UBE4A: variants seen among roughly 807,000 people sequenced by gnomAD.
The protein encoded by UBE4A is ubiquitin conjugation factor E4 A.
A neutral mutation model predicts 117.9 loss-of-function variants in UBE4A; 48 were observed. The ratio of observed to expected loss-of-function variants is 0.41; its 90% CI spans 0.32 to 0.52. UBE4A has a LOEUF of 0.52. Among genes scored for constraint, UBE4A ranks in the 20% least tolerant of loss-of-function variants. The pLI is 0.33. For missense variants in UBE4A, 1,067 were observed against 1,296.3 expected (o/e 0.82, Z 2.72); for synonymous variants, 407 against 450.0 (o/e 0.90, Z 1.21).
intron 4 of UBE4A, among the ~76,000 whole-genome samples, chr11:118,371,075 G>A (rs1948604692): frequency 6.6e-6 from 1 of 152,168 alleles, no homozygotes; most frequent in Non-Finnish European, 1.5e-5. Context: ...AAAACAGTGC[G>A]TTGTACCTTG....
At chr11:118,367,546 A>C (rs571720231) in intron 2 of UBE4A, among the ~76,000 whole-genome samples, 1 of 145,124 alleles carries the variant, frequency 6.9e-6, no homozygotes, top group African/African-American at 2.6e-5. Flanking sequence ...TTTGAGACGA[A>C]GTCTTGCTCT....
intron 19 of UBE4A, among the ~76,000 whole-genome samples, chr11:118,395,827 C>T (rs1401320097): frequency 6.6e-6 from 1 of 152,144 alleles, no homozygotes; most frequent in African/African-American, 2.4e-5. Context: ...AATCCCAGCG[C>T]ACTTTGGGAG....
chr11:118,390,457 TATATTTTA>T (rs1406995739), intron 17 of UBE4A, among the ~76,000 whole-genome samples, 192 bp from the exon 18 acceptor site: 6 of 145,072 alleles, frequency 4.1e-5, no homozygotes, highest in Non-Finnish European at 9.1e-5. Flanking sequence ...AAATATATAT[TATATTTTA>T]TTATTATAAA....
intron 5 of UBE4A, 91 bp from the exon 6 acceptor site, chr11:118,372,416 C>T: frequency 7.8e-7 from 1 of 1,287,158 alleles, no homozygotes; most frequent in South Asian, 1.7e-5. Context: ...CACAGGAGAC[C>T]AGTATGTCTC....
At chr11:118,382,183 A>G (rs1247135097) in intron 12 of UBE4A, among the ~76,000 whole-genome samples, 1 of 152,224 alleles carries the variant, frequency 6.6e-6, no homozygotes, top group Non-Finnish European at 1.5e-5. Context: ...TTATGCATAC[A>G]CTGTATGCGT....
At chr11:118,360,966 A>G (rs953297759) in intron 1 of UBE4A, among the ~76,000 whole-genome samples, 4 of 151,412 alleles carry the variant, frequency 2.6e-5, no homozygotes, top group Non-Finnish European at 4.4e-5. Flanking sequence ...AAAAAAATAC[A>G]TACATATATG....
intron 10 of UBE4A, chr11:118,378,758 A>C (rs1161954244): frequency 1.3e-5 from 2 of 152,384 alleles, no homozygotes; most frequent in African/African-American, 4.8e-5. Flanking sequence ...AATGAATATC[A>C]TCTAGTTTCC....
At chr11:118,362,535 CTTTTCAGTTGTG>C (rs1565527834) in intron 1 of UBE4A, among the ~76,000 whole-genome samples, 2 of 152,178 alleles carry the variant, frequency 1.3e-5, no homozygotes, top group Non-Finnish European at 1.5e-5. Context: ...AATCTGGACA[CTTTTCAGTTGTG>C]TTTTAAAAAA....
At chr11:118,372,961 G>A (rs1412212608) in intron 6 of UBE4A, 125 bp from the exon 7 acceptor site, 4 of 956,198 alleles carry the variant, frequency 4.2e-6, no homozygotes, top group South Asian at 1.8e-5. Flanking sequence ...TCCAGGCTGA[G>A]CAAAAAAACA....
At chr11:118,387,059 G>A (rs1948766178) in intron 16 of UBE4A, among the ~76,000 whole-genome samples, 1 of 152,152 alleles carries the variant, frequency 6.6e-6, no homozygotes, top group Non-Finnish European at 1.5e-5. Context: ...AATGTAGCTG[G>A]TCTGAATTGA....
intron 18 of UBE4A, 73 bp downstream of exon 18, chr11:118,390,877 C>A: frequency 6.4e-7 from 1 of 1,567,742 alleles, no homozygotes; most frequent in Middle Eastern, 1.7e-4. Context: ...TGGCTCAAGC[C>A]TGTAGTCCCA....
In UBE4A at chr11:118,390,733, C is replaced by G. The variant is rs1948807595; in HGVS notation, c.2845C>G (p.Arg949Gly). ...YSPTLFAQTV[R>G]VLKKINKPGN... Reference sequence around the variant, plus strand: ...CCCAACTCTCTTTGCACAGACAGTTCGAGTCTTGAAGAAAATAAATAAGCC... The same window carrying G: ...CCCAACTCTCTTTGCACAGACAGTTGGAGTCTTGAAGAAAATAAATAAGCC... Residue 949 changes from arginine (R) to glycine (G), a missense_variant, in exon 18 of 20, where the codon CGA becomes GGA. Arg to Gly is a moderately radical substitution (Grantham distance 125). Transcript: ENST00000252108. 1.2e-6 allele frequency: 2 copies of G among 1,605,090 alleles called. No individual in the cohort carries two copies. Among genetic ancestry groups the G allele is most frequent in the South Asian group, 1.1e-5 (1 of 90,318 alleles).
intron 15 of UBE4A, among the ~76,000 whole-genome samples, chr11:118,385,911 T>C (rs537131625): frequency 2.0e-5 from 3 of 152,332 alleles, no homozygotes; most frequent in Admixed American, 2.0e-4. Flanking sequence ...AAGCAGATGG[T>C]ATTTTCATGA....
Position 118,396,550 on chromosome 11 carries a change from T to A in UBE4A, c.*110T>A. On this transcript the variant is annotated 3_prime_UTR_variant, in exon 20 of 20. Transcript: ENST00000252108. ...TTTTCTTTCTTCTTTTCTTTTTCTT[T>A]TTTTTTTTTTTTTTTACTAAATTAG... 2.0e-6 allele frequency: 2 copies of A among 994,358 alleles called. No homozygotes were observed. Among genetic ancestry groups the A allele is most frequent in the African/African-American group, 1.8e-5 (1 of 56,624 alleles). The allele number at this position is 994,358 out of a possible 1,614,324, so 61.6% of individuals were successfully genotyped here.
chr11:118,397,712 C>G lies in UBE4A; in HGVS notation c.*1272C>G, dbSNP rs1948887892. On this transcript the variant is annotated 3_prime_UTR_variant, in exon 20 of 20. Transcript: ENST00000252108. ...CTAAGCCCAGAGATGTCATAAGTGA[C>G]AAGAAAAGTGATAGGATCAAGAAAT... The G allele has an allele frequency of 6.6e-6, 1 of 152,128 alleles. No individual in the cohort carries two copies. The highest frequency in any genetic ancestry group is 1.9e-4 in the East Asian group (1 of 5,196). The allele number at this position is 152,128 out of a possible 1,614,324, so 9.4% of individuals were successfully genotyped here. A position where few individuals can be genotyped will look rare whatever the true frequency, so the allele number is the denominator to read the frequency against.
Position 118,383,927 on chromosome 11 carries a change from T to C in UBE4A, c.2198-708T>C, listed in dbSNP as rs146306675. ...GTAAATCTTTATAATACATAAGAAA[T>C]TGTATAATAAATCATTGCAGTTATC... On this transcript the variant is annotated intron_variant, in intron 13 of 19. Transcript: ENST00000252108. 2.1e-3 allele frequency among the ~76,000 whole-genome samples: 319 copies of C among 152,274 alleles called. 1 individual carries two copies. The highest frequency in any genetic ancestry group is 7.1e-3 in the African/African-American group (297 of 41,546).
chr11:118,392,772 C>T lies in UBE4A; in HGVS notation c.2951C>T (p.Thr984Ile), dbSNP rs1555128805. The change falls in exon 19 of 20, where the codon ACC becomes ATC. Residue 984 changes from threonine to isoleucine, a missense_variant. Around this residue, in one of 3 missense-constraint regions of UBE4A, gnomAD observed 34 missense variants for 77.7 expected, o/e 0.44. Coordinates refer to ENST00000252108, the MANE Select transcript of UBE4A (RefSeq NM_001204077.2). ...LADLQQQEEE[T>I]YADACDEFLD... ...GACCTCCAACAACAGGAAGAGGAAA[C>T]CTATGCAGATGCCTGTGATGAGTTC... 1 of 1,614,064 alleles carries T rather than the reference C, an allele frequency of 6.2e-7. No individual in the cohort carries two copies. Among genetic ancestry groups the T allele is most frequent in the Non-Finnish European group, 8.5e-7 (1 of 1,179,968 alleles).
At position 118,377,802 on chromosome 11, in the gene UBE4A, A is replaced by G. The variant is rs537539280; in HGVS notation, c.1571+1108A>G. Among the ~76,000 whole-genome samples, 13 of 151,026 alleles carry G rather than the reference A, an allele frequency of 8.6e-5. No homozygotes were observed. The East Asian group carries it at 1.6e-3, about 18-fold the overall frequency. ...GTGGCGTGTGCCTGTAGTGTCAGCT[A>G]CTCACGAGGCTGAGGTGGGAGGATC... On this transcript the variant is annotated intron_variant, in intron 10 of 19. Coordinates refer to ENST00000252108, the MANE Select transcript of UBE4A (RefSeq NM_001204077.2).
intron 2 of UBE4A, among the ~76,000 whole-genome samples, chr11:118,366,022 AAGG>A (rs1290258439): frequency 5.9e-5 from 9 of 151,756 alleles, no homozygotes; most frequent in Non-Finnish European, 8.8e-5. Flanking sequence ...CTTTTGAGAG[AAGG>A]AGAAGTGTTT....
Sources: gnomAD v4.1 joint callset for allele counts (sites outside exome capture counted in the v4.1 genomes callset) on GRCh38, gnomAD v4.1.1 for gene constraint, gnomAD v4.1.1 regional missense constraint, MANE v1.5 for transcripts, NCBI Gene and HGNC (gene_info 2026-07-23, HGNC 2026-07-21) for gene names.